The following P4HA3 variants were observed in gnomAD, a reference collection of about 807,000 sequenced individuals.
P4HA3 encodes the protein prolyl 4-hydroxylase subunit alpha 3, also known as prolyl 4-hydroxylase subunit alpha-3.
Under a neutral mutation model 66.7 loss-of-function variants are expected in P4HA3, and 60 were observed. The observed-to-expected ratio is 0.90, with a 90% CI of 0.73 to 1.12. P4HA3 has a LOEUF of 1.12. P4HA3 is among the 50% of genes most tolerant of loss of function. The pLI is 0.00. For missense variants in P4HA3, 683 were observed against 685.8 expected, an observed-to-expected ratio of 1.00 and a Z score of 0.05; for synonymous variants, 263 against 274.6, an observed-to-expected ratio of 0.96 and a Z score of 0.42.
chr11:74,308,556 C>T (rs1289633234), intron 1 of P4HA3, among the ~76,000 whole-genome samples: 4 of 152,094 alleles, frequency 2.6e-5, no homozygotes, highest in Non-Finnish European at 5.9e-5. Flanking sequence ...GCAAACATTT[C>T]ACTGGGTTTT....
chr11:74,291,656 G>T (rs545603609), intron 4 of P4HA3, among the ~76,000 whole-genome samples: 1 of 152,084 alleles, frequency 6.6e-6, no homozygotes, highest in South Asian at 2.1e-4. Flanking sequence ...TAGCATGAAG[G>T]GTTGTTGAAT....
intron 10 of P4HA3, among the ~76,000 whole-genome samples, chr11:74,270,093 A>C (rs1860142383): frequency 1.3e-5 from 2 of 151,906 alleles, no homozygotes; most frequent in Admixed American, 6.6e-5. Context: ...ACACACACAC[A>C]CCTCCTGAAA....
At chr11:74,251,099 C>T in intron 15 of P4HA3, 2 of 1,538,230 alleles carry the variant, frequency 1.3e-6, no homozygotes, top group Non-Finnish European at 1.8e-6. Flanking sequence ...CTCTGAGTCT[C>T]AGCCTGCATT....
downstream of P4HA3, among the ~76,000 whole-genome samples, chr11:74,265,812 T>C (rs1304127904): frequency 6.6e-6 from 1 of 152,204 alleles, no homozygotes; most frequent in African/African-American, 2.4e-5. Context: ...TATATAAACA[T>C]TGAAATTCAG....
chr11:74,256,905 A>G (rs967865785), intron 15 of P4HA3, among the ~76,000 whole-genome samples: 4 of 152,182 alleles, frequency 2.6e-5, no homozygotes, highest in Admixed American at 2.0e-4. Flanking sequence ...CGCTCTTAAC[A>G]TACTGTTAGG....
intron 9 of P4HA3, among the ~76,000 whole-genome samples, chr11:74,274,860 CTTATT>C (rs995545193): frequency 2.6e-5 from 4 of 152,148 alleles, no homozygotes; most frequent in African/African-American, 9.7e-5. Context: ...TTGGTATAAT[CTTATT>C]TTATTGTAGC....
intron 1 of P4HA3, among the ~76,000 whole-genome samples, chr11:74,308,785 GC>G (rs1286358677): frequency 6.7e-6 from 1 of 150,188 alleles, no homozygotes; most frequent in Non-Finnish European, 1.5e-5. Flanking sequence ...AAAATAATAA[GC>G]ATAAAGGCTT....
chr11:74,264,872 T>C (rs1859965647), downstream of P4HA3, among the ~76,000 whole-genome samples: 1 of 152,162 alleles, frequency 6.6e-6, no homozygotes, highest in Admixed American at 6.5e-5. Flanking sequence ...CGCCTGAGGA[T>C]TACTCATTAA....
At chr11:74,302,251 AT>A (rs1861430433) in intron 3 of P4HA3, 117 bp downstream of exon 3, 1 of 950,846 alleles carries the variant, frequency 1.1e-6, no homozygotes, top group South Asian at 1.8e-5. Context: ...AATGGAAATG[AT>A]ATCAAATTTC....
intron 14 of P4HA3, among the ~76,000 whole-genome samples, chr11:74,261,556 G>A (rs570110235): frequency 6.5e-4 from 98 of 151,920 alleles, no homozygotes; most frequent in African/African-American, 1.6e-3. Context: ...GCTTCCTGCC[G>A]TTATCAATAA....
intron 3 of P4HA3, among the ~76,000 whole-genome samples, chr11:74,299,265 A>T (rs1861324525): frequency 6.6e-6 from 1 of 152,236 alleles, no homozygotes; most frequent in African/African-American, 2.4e-5. Context: ...CTGCAAGTGG[A>T]ATTTCCTGGA....
chr11:74,306,219 T>C (rs1861576859), intron 1 of P4HA3, among the ~76,000 whole-genome samples: 1 of 152,122 alleles, frequency 6.6e-6, no homozygotes, highest in South Asian at 2.1e-4. Context: ...CTTCCAACCT[T>C]TCTAGCTTGG....
intron 10 of P4HA3, among the ~76,000 whole-genome samples, chr11:74,270,695 C>T (rs1027167798): frequency 6.6e-6 from 1 of 152,140 alleles, no homozygotes; most frequent in Non-Finnish European, 1.5e-5. Flanking sequence ...GAAACCAAGT[C>T]TCAGAGAGCT....
intron 7 of P4HA3, among the ~76,000 whole-genome samples, chr11:74,281,125 G>A (rs1027788185): frequency 1.3e-5 from 2 of 152,208 alleles, no homozygotes; most frequent in South Asian, 2.1e-4. Context: ...ATGAAAAAAT[G>A]CTCACCATTA....
In P4HA3 at chr11:74,289,119, A is replaced by G. The variant is rs138713902; in HGVS notation, c.729T>C (p.Val243=). 22 of 1,588,084 alleles carry G rather than the reference A, an allele frequency of 1.4e-5. No homozygotes were observed. Among genetic ancestry groups the G allele is most frequent in the Non-Finnish European group, 1.9e-5 (22 of 1,168,396 alleles). The change falls in exon 5 of 13, where the codon GTT becomes GTC. Residue 243 remains valine (V), a synonymous_variant. Transcript: ENST00000331597. The part of the protein sequence containing the change: ...LAFAYFRAGN[V]SCALSLSREF... ...CCCGAGAGAGGCTGAGGGCACACGA[A>G]ACATTTCCTGCCTGTTAAAAAAAAA...
intron 14 of P4HA3, among the ~76,000 whole-genome samples, chr11:74,261,218 A>T (rs61179503): frequency 0.027 from 4,151 of 152,274 alleles, 185 homozygotes; most frequent in African/African-American, 0.095. Flanking sequence ...ACCCCTGCAG[A>T]CAGGTGGTTT....
At chr11:74,294,403 T>C (rs1469184870) in intron 4 of P4HA3, among the ~76,000 whole-genome samples, 1 of 152,206 alleles carries the variant, frequency 6.6e-6, no homozygotes, top group African/African-American at 2.4e-5. Context: ...TTTCCTCCTG[T>C]AGCTCGGAGT....
At chr11:74,259,297 T>C (rs1417753662) in intron 15 of P4HA3, among the ~76,000 whole-genome samples, 1 of 152,162 alleles carries the variant, frequency 6.6e-6, no homozygotes, top group Non-Finnish European at 1.5e-5. Flanking sequence ...GAGAATTGCT[T>C]GAACCCAGGA....
chr11:74,264,079 C>A (rs567524708), downstream of P4HA3, among the ~76,000 whole-genome samples: 1 of 152,316 alleles, frequency 6.6e-6, no homozygotes, highest in South Asian at 2.1e-4. Context: ...AGTGCAAATA[C>A]AGAATTAGGC....
Sources: gnomAD v4.1 joint callset for allele counts (sites outside exome capture counted in the v4.1 genomes callset) on GRCh38, gnomAD v4.1.1 for gene constraint, MANE v1.5 for transcripts, NCBI Gene and HGNC (gene_info 2026-07-23, HGNC 2026-07-21) for gene names.